The following SPOCK1 variants were observed in gnomAD, a reference collection of about 807,000 sequenced individuals.
SPOCK1 encodes the protein SPARC (osteonectin), cwcv and kazal like domains proteoglycan 1.
A neutral mutation model predicts 55.3 loss-of-function variants in SPOCK1; 23 were observed. That is an observed-to-expected ratio of 0.42 (90% confidence interval 0.30 to 0.59). The LOEUF (loss-of-function observed/expected upper bound fraction) is 0.59. Among genes scored for constraint, SPOCK1 ranks in the 20% least tolerant of loss-of-function variants. The pLI, the probability that SPOCK1 is intolerant of heterozygous loss-of-function variation, is 0.22. For synonymous variants in SPOCK1, 226 were observed against 221.0 expected (o/e 1.02, Z -0.20); for missense variants, 499 against 552.5 (o/e 0.90, Z 0.97).
At chr5:137,347,117 G>A (rs1360132667) in intron 2 of SPOCK1, among the ~76,000 whole-genome samples, 2 of 152,048 alleles carry the variant, frequency 1.3e-5, no homozygotes, top group Non-Finnish European at 2.9e-5. Context: ...ACCCTCCCTT[G>A]CACCAAGCCA....
intron 2 of SPOCK1, among the ~76,000 whole-genome samples, chr5:137,372,510 T>C (rs1398070627): frequency 6.6e-6 from 1 of 152,140 alleles, no homozygotes; most frequent in Non-Finnish European, 1.5e-5. Flanking sequence ...GACCCCAGGG[T>C]AAGAAACAGC....
intron 6 of SPOCK1, among the ~76,000 whole-genome samples, chr5:137,055,462 T>C (rs1228933660): frequency 1.3e-5 from 2 of 152,238 alleles, no homozygotes; most frequent in African/African-American, 4.8e-5. Flanking sequence ...CAGATCTGTG[T>C]TATTTTAACT....
intron 2 of SPOCK1, among the ~76,000 whole-genome samples, chr5:137,454,448 A>G (rs1283778367): frequency 6.6e-6 from 1 of 152,182 alleles, no homozygotes; most frequent in Non-Finnish European, 1.5e-5. Flanking sequence ...TACATAACCA[A>G]AAGACCCTAA....
chr5:137,067,846 C>G lies in SPOCK1; in HGVS notation c.475-17G>C, dbSNP rs922862233. 6.2e-7 allele frequency: 1 copy of G among 1,604,114 alleles called. No homozygotes were observed. Among genetic ancestry groups the G allele is most frequent in the East Asian group, 2.2e-5 (1 of 44,816 alleles). The stretch of plus-strand genomic sequence containing the variant: ...CAATTTGCACTGCAAAAGAGAGACA[C>G]AACAGGTCTTAAGAATGCAGCCATA... On this transcript the variant is annotated splice_polypyrimidine_tract_variant and intron_variant, in intron 5 of 10. Coordinates refer to ENST00000394945, the MANE Select transcript of SPOCK1 (RefSeq NM_004598.4).
At chr5:136,984,117 A>ATATC (rs1355862226) in intron 9 of SPOCK1, among the ~76,000 whole-genome samples, 4 of 152,174 alleles carry the variant, frequency 2.6e-5, no homozygotes, top group African/African-American at 7.2e-5. Context: ...GACCAGAAAT[A>ATATC]TATCTTTATG....
chr5:137,423,200 G>T (rs539659604), intron 2 of SPOCK1, among the ~76,000 whole-genome samples: 1 of 152,322 alleles, frequency 6.6e-6, no homozygotes, highest in Admixed American at 6.5e-5. Context: ...CCCCTACTGG[G>T]GGGTGCCTCC....
At chr5:137,311,389 T>C (rs1757786533) in intron 2 of SPOCK1, among the ~76,000 whole-genome samples, 1 of 152,232 alleles carries the variant, frequency 6.6e-6, no homozygotes, top group Admixed American at 6.5e-5. Flanking sequence ...CTGGACCGCA[T>C]ATTAAAACCA....
chr5:137,025,011 G>T lies in SPOCK1; in HGVS notation c.590-32411C>A, dbSNP rs1751644992. ...AAGGGATGTAAACCAGTCACAGAAG[G>T]ATACATACTGCATGATTCCACTTAT... On this transcript the variant is annotated intron_variant, in intron 6 of 10. Transcript: ENST00000394945. 2.6e-5 allele frequency among the ~76,000 whole-genome samples: 4 copies of T among 152,254 alleles called. No individual in the cohort carries two copies. In the South Asian group the frequency reaches 8.3e-4, roughly 32 times the overall value.
At chr5:137,485,020 A>G (rs1372883686) in intron 2 of SPOCK1, among the ~76,000 whole-genome samples, 1 of 152,200 alleles carries the variant, frequency 6.6e-6, no homozygotes, top group Non-Finnish European at 1.5e-5. Context: ...TTAGTATTCA[A>G]AAGTCTACTG....
rs767336528 is a variant in SPOCK1, at chr5:136,978,565, C to T, written c.*89G>A. ...TAGAGAGCAACAATGGAGAAGAGAC[C>T]TTGGTGCCTTGGAGTCTTAGATACA... On this transcript the variant is annotated 3_prime_UTR_variant, in exon 11 of 11. Transcript: ENST00000394945. The T allele has an allele frequency of 9.2e-5, 130 of 1,411,418 alleles. No homozygotes were observed. The highest frequency in any genetic ancestry group is 1.2e-4 in the Non-Finnish European group (124 of 1,041,176). 87.4% of individuals were successfully genotyped at this position (1,411,418 alleles called of 1,614,324 possible).
At chr5:137,076,861 A>C (rs1752776901) in intron 5 of SPOCK1, among the ~76,000 whole-genome samples, 1 of 152,206 alleles carries the variant, frequency 6.6e-6, no homozygotes, top group African/African-American at 2.4e-5. Flanking sequence ...TCTATAGATG[A>C]AGAAACTGAA....
intron 2 of SPOCK1, among the ~76,000 whole-genome samples, chr5:137,353,893 C>T (rs1750734406): frequency 6.6e-6 from 1 of 152,208 alleles, no homozygotes; most frequent in African/African-American, 2.4e-5. Flanking sequence ...CCCATACCCT[C>T]CCTCTACAGA....
intron 2 of SPOCK1, among the ~76,000 whole-genome samples, chr5:137,306,265 T>G (rs955878723): frequency 6.6e-6 from 1 of 152,198 alleles, no homozygotes; most frequent in Non-Finnish European, 1.5e-5. Context: ...ATCAGACACA[T>G]AAAACCACCA....
At chr5:136,979,019 G>A (rs546206912) in intron 10 of SPOCK1, among the ~76,000 whole-genome samples, 175 bp from the exon 11 acceptor site, 59 of 152,214 alleles carry the variant, frequency 3.9e-4, no homozygotes, top group Admixed American at 1.4e-3. Flanking sequence ...CTTTGTTCTC[G>A]TAAGAGCCCT....
intron 2 of SPOCK1, among the ~76,000 whole-genome samples, chr5:137,438,819 C>T (rs2149831395): frequency 6.6e-6 from 1 of 152,328 alleles, no homozygotes; most frequent in Non-Finnish European, 1.5e-5. Context: ...ACTAGACAGA[C>T]TCCCCAATCA....
At chr5:137,172,537 A>G (rs1754773177) in intron 3 of SPOCK1, among the ~76,000 whole-genome samples, 1 of 152,178 alleles carries the variant, frequency 6.6e-6, no homozygotes, top group South Asian at 2.1e-4. Flanking sequence ...TTAATAAAGC[A>G]ATTGAAGGGA....
chr5:137,024,728 T>A (rs906271126), intron 6 of SPOCK1, among the ~76,000 whole-genome samples: 1 of 152,026 alleles, frequency 6.6e-6, no homozygotes, highest in Non-Finnish European at 1.5e-5. Flanking sequence ...ACTGGAGGCA[T>A]CCACTATATG....
intron 2 of SPOCK1, among the ~76,000 whole-genome samples, chr5:137,441,217 A>G (rs529895759): frequency 2.0e-5 from 3 of 152,252 alleles, no homozygotes; most frequent in Admixed American, 6.5e-5. Context: ...TTCTTTTCCA[A>G]TTTTCTCAGG....
intron 2 of SPOCK1, among the ~76,000 whole-genome samples, chr5:137,408,326 G>GT (rs1167373026): frequency 1.3e-5 from 2 of 152,198 alleles, no homozygotes; most frequent in Non-Finnish European, 2.9e-5. Context: ...ATAGTCAGGA[G>GT]TGGGGATGTG....
Sources: allele counts gnomAD v4.1 joint callset (sites outside exome capture counted in the v4.1 genomes callset), GRCh38; gene constraint gnomAD v4.1.1; transcripts MANE v1.5; gene names NCBI Gene and HGNC (gene_info 2026-07-23, HGNC 2026-07-21).